JAZF1: variants seen among roughly 807,000 people sequenced by gnomAD.
The protein encoded by JAZF1 is JAZF zinc finger 1.
In JAZF1, 8 loss-of-function variants were observed where a neutral mutation model predicts 26.4. The ratio of observed to expected loss-of-function variants is 0.30; its 90% CI spans 0.18 to 0.55. The LOEUF (loss-of-function observed/expected upper bound fraction) is 0.55. JAZF1 is among the 20% of genes least tolerant of loss of function. JAZF1 has a pLI of 0.94. For synonymous variants in JAZF1, 126 were observed against 122.3 expected (o/e 1.03, Z -0.20); for missense variants, 199 against 322.0 (o/e 0.62, Z 2.92).
intron 2 of JAZF1, among the ~76,000 whole-genome samples, chr7:27,979,241 T>C (rs56115705): frequency 6.6e-6 from 1 of 152,106 alleles, no homozygotes; most frequent in African/African-American, 2.4e-5. Flanking sequence ...TTACATCTTA[T>C]ACTAAATGCT....
chr7:28,011,529 G>T (rs1169794863), intron 1 of JAZF1, among the ~76,000 whole-genome samples: 1 of 152,206 alleles, frequency 6.6e-6, no homozygotes, highest in Non-Finnish European at 1.5e-5. Context: ...GTGTCATGAT[G>T]AGAACACCAT....
At chr7:28,017,773 G>GTTGT (rs3073768) in intron 1 of JAZF1, among the ~76,000 whole-genome samples, 8,513 of 152,044 alleles carry the variant, frequency 0.056, 411 homozygotes, top group African/African-American at 0.13. Flanking sequence ...TTTTGTTGTT[G>GTTGT]TTGTTTGTTT....
intron 2 of JAZF1, among the ~76,000 whole-genome samples, chr7:27,932,966 T>A (rs1375321861): frequency 6.6e-6 from 1 of 152,202 alleles, no homozygotes; most frequent in Non-Finnish European, 1.5e-5. Flanking sequence ...ATATACAAGA[T>A]CTGGTAACGA....
intron 1 of JAZF1, among the ~76,000 whole-genome samples, chr7:28,035,709 T>C (rs1344944391): frequency 6.6e-6 from 1 of 152,096 alleles, no homozygotes; most frequent in Admixed American, 6.5e-5. Context: ...TACTCATTAG[T>C]GAGTACACAG....
At chr7:28,040,765 G>C (rs1434651063) in intron 1 of JAZF1, among the ~76,000 whole-genome samples, 3 of 152,138 alleles carry the variant, frequency 2.0e-5, no homozygotes, top group African/African-American at 7.2e-5. Context: ...TGATCGCCCA[G>C]AGTTAAGAGA....
intron 3 of JAZF1, among the ~76,000 whole-genome samples, chr7:27,856,636 C>T (rs1783260958): frequency 6.6e-6 from 1 of 152,178 alleles, no homozygotes; most frequent in East Asian, 1.9e-4. Flanking sequence ...CACAAAAGTT[C>T]TCCATGTCCC....
chr7:28,010,356 A>T (rs114946983), intron 1 of JAZF1, among the ~76,000 whole-genome samples: 6,881 of 152,204 alleles, frequency 0.045, 249 homozygotes, highest in African/African-American at 0.093. Flanking sequence ...GCCACTCTCC[A>T]GGTTCTGTTC....
At chr7:28,039,937 C>T (rs972969950) in intron 1 of JAZF1, among the ~76,000 whole-genome samples, 1 of 152,064 alleles carries the variant, frequency 6.6e-6, no homozygotes, top group African/African-American at 2.4e-5. Context: ...TTAACTGGAG[C>T]TTTTTTGCAT....
chr7:28,097,604 G>A (rs1784405596), intron 1 of JAZF1, among the ~76,000 whole-genome samples: 1 of 152,178 alleles, frequency 6.6e-6, no homozygotes, highest in South Asian at 2.1e-4. Flanking sequence ...GCAAGAAATG[G>A]GAGAGCTGAA....
intron 1 of JAZF1, among the ~76,000 whole-genome samples, chr7:28,017,185 T>A (rs1782908994): frequency 1.3e-5 from 2 of 152,158 alleles, no homozygotes; most frequent in South Asian, 4.1e-4. Flanking sequence ...ACCCCATCTC[T>A]ACTAAACATA....
intron 2 of JAZF1, among the ~76,000 whole-genome samples, chr7:27,948,694 G>A (rs978304778): frequency 2.0e-5 from 3 of 152,166 alleles, no homozygotes; most frequent in East Asian, 1.9e-4. Flanking sequence ...TATATTGACT[G>A]TATATTGACC....
At chr7:28,038,239 G>A (rs1259222800) in intron 1 of JAZF1, among the ~76,000 whole-genome samples, 1 of 152,138 alleles carries the variant, frequency 6.6e-6, no homozygotes, top group Non-Finnish European at 1.5e-5. Flanking sequence ...TAATTCAGGT[G>A]AAAGAAAACA....
At chr7:27,921,539 T>A (rs1177000449) in intron 2 of JAZF1, among the ~76,000 whole-genome samples, 7 of 152,184 alleles carry the variant, frequency 4.6e-5, no homozygotes, top group Non-Finnish European at 1.5e-5. Context: ...CAGACTGGCA[T>A]CGATTCTTCC....
At chr7:28,121,373 A>G (rs997075063) in intron 1 of JAZF1, among the ~76,000 whole-genome samples, 1 of 152,162 alleles carries the variant, frequency 6.6e-6, no homozygotes, top group Non-Finnish European at 1.5e-5. Flanking sequence ...CTACAAGCGC[A>G]AAGTAAGAAT....
At chr7:27,880,560 G>A (rs976354536) in intron 3 of JAZF1, among the ~76,000 whole-genome samples, 2 of 152,172 alleles carry the variant, frequency 1.3e-5, no homozygotes, top group African/African-American at 2.4e-5. Flanking sequence ...TTGAACCCGA[G>A]AGACAGAGGT....
intron 2 of JAZF1, among the ~76,000 whole-genome samples, chr7:27,921,612 A>G (rs1366182788): frequency 1.3e-5 from 2 of 152,162 alleles, no homozygotes; most frequent in Non-Finnish European, 2.9e-5. Context: ...CTTGATAGCA[A>G]AATTTTGGAG....
In JAZF1 at chr7:28,148,573, G is replaced by A. The variant is rs62449931; in HGVS notation, c.115+31890C>T. ...TGGACTTTTAATCTACTGAGAAGGCGTATCTGAGTATTTCTTGACTTGACT... is the reference window on the plus strand; with the variant it reads ...TGGACTTTTAATCTACTGAGAAGGCATATCTGAGTATTTCTTGACTTGACT... On this transcript the variant is annotated intron_variant, in intron 1 of 4. Coordinates refer to ENST00000283928, the MANE Select transcript of JAZF1 (RefSeq NM_175061.4). Among the ~76,000 whole-genome samples, 1,400 of 152,318 alleles carry A rather than the reference G, an allele frequency of 9.2e-3. 9 individuals are homozygous for A. The highest frequency in any genetic ancestry group is 0.014 in the Non-Finnish European group (972 of 68,022).
intron 4 of JAZF1, among the ~76,000 whole-genome samples, chr7:27,834,805 A>G (rs891603181): frequency 2.0e-5 from 3 of 152,246 alleles, no homozygotes; most frequent in African/African-American, 4.8e-5. Context: ...ATGAGACCCC[A>G]GGCGAGAACC....
chr7:28,047,738 T>C (rs747852503), intron 1 of JAZF1, among the ~76,000 whole-genome samples: 11 of 152,180 alleles, frequency 7.2e-5, no homozygotes, highest in Non-Finnish European at 1.0e-4. Context: ...TTCTGGCCTT[T>C]TATGCCGTTA....
Sources: allele counts gnomAD v4.1 joint callset (sites outside exome capture counted in the v4.1 genomes callset), GRCh38; gene constraint gnomAD v4.1.1; transcripts MANE v1.5; gene names NCBI Gene and HGNC (gene_info 2026-07-23, HGNC 2026-07-21).